HCN1: variants seen among roughly 807,000 people sequenced by gnomAD.
HCN1 encodes the protein hyperpolarization activated cyclic nucleotide gated potassium channel 1, also known as potassium/sodium hyperpolarization-activated cyclic nucleotide-gated channel 1.
Under a neutral mutation model 78.9 loss-of-function variants are expected in HCN1, and 13 were observed. That is an observed-to-expected ratio of 0.16 (90% CI 0.11 to 0.26). The LOEUF (loss-of-function observed/expected upper bound fraction) is 0.26. Among genes scored for constraint, HCN1 ranks in the 10% least tolerant of loss-of-function variants. HCN1 has a pLI of 1.00. For missense variants in HCN1, 810 were observed against 1,154.3 expected, an observed-to-expected ratio of 0.70 and a Z score of 4.32; for synonymous variants, 552 against 455.5, an observed-to-expected ratio of 1.21 and a Z score of -2.70.
chr5:45,341,626 T>C (rs986006203), intron 5 of HCN1, among the ~76,000 whole-genome samples: 5 of 152,136 alleles, frequency 3.3e-5, no homozygotes, highest in Non-Finnish European at 5.9e-5. Flanking sequence ...CAAAGGTGGC[T>C]CATGCCTGTA....
intron 2 of HCN1, among the ~76,000 whole-genome samples, chr5:45,594,239 A>G: frequency 6.6e-6 from 1 of 152,184 alleles, no homozygotes; most frequent in East Asian, 1.9e-4. Flanking sequence ...TCAGATGCCA[A>G]TATTACATCA....
intron 1 of HCN1, among the ~76,000 whole-genome samples, chr5:45,647,696 T>C (rs963413754): frequency 2.0e-5 from 3 of 152,090 alleles, no homozygotes; most frequent in African/African-American, 7.2e-5. Flanking sequence ...TCAAACAGCA[T>C]GCCTAAGCTC....
At chr5:45,511,675 C>A (rs192348635) in intron 2 of HCN1, among the ~76,000 whole-genome samples, 2 of 151,918 alleles carry the variant, frequency 1.3e-5, no homozygotes, top group East Asian at 3.9e-4. Context: ...TAAGGAAAGT[C>A]AGAGAAAATG....
chr5:45,435,213 G>T lies in HCN1; in HGVS notation c.1011+26633C>A, dbSNP rs199631799. ...ATATATTTAAAAAGTAAATTTATTT[G>T]TGCAGGAAAATCAAATAGTTCCCCA... On this transcript the variant is annotated intron_variant, in intron 3 of 7. Coordinates refer to ENST00000303230, the MANE Select transcript of HCN1 (RefSeq NM_021072.4). Among the ~76,000 whole-genome samples the T allele has an allele frequency of 1.8e-4, 28 of 152,024 alleles. No homozygotes were observed. In the East Asian group the frequency reaches 5.2e-3, roughly 28 times the overall value.
chr5:45,323,564 C>A (rs1297914285), intron 5 of HCN1, among the ~76,000 whole-genome samples: 1 of 151,278 alleles, frequency 6.6e-6, no homozygotes. Flanking sequence ...TCTTTTTTTT[C>A]ATTTTTTATC....
chr5:45,418,264 CAT>C (rs1454680287), intron 3 of HCN1, among the ~76,000 whole-genome samples: 9 of 151,526 alleles, frequency 5.9e-5, no homozygotes, highest in African/African-American at 2.2e-4. Context: ...GGTGAGAAAA[CAT>C]ATTCATTAAA....
intron 2 of HCN1, chr5:45,642,819 T>C (rs1745480415): frequency 6.6e-6 from 1 of 152,134 alleles, no homozygotes; most frequent in Non-Finnish European, 1.5e-5. Flanking sequence ...ATGTAGGTGA[T>C]GGAAAGATTA....
At chr5:45,687,496 A>G (rs894175385) in intron 1 of HCN1, among the ~76,000 whole-genome samples, 1 of 152,116 alleles carries the variant, frequency 6.6e-6, no homozygotes, top group Admixed American at 6.6e-5. Flanking sequence ...TTTATCTGCT[A>G]ACACATTTCA....
At chr5:45,456,899 AT>A (rs1741038950) in intron 3 of HCN1, among the ~76,000 whole-genome samples, 1 of 152,032 alleles carries the variant, frequency 6.6e-6, no homozygotes, top group Non-Finnish European at 1.5e-5. Flanking sequence ...TGCATCATTT[AT>A]TTGTTATGCT....
At position 45,261,212 on chromosome 5, in the gene HCN1, AACT is replaced by A. The variant is rs1221175348; in HGVS notation, c.*706_*708del. ...TATTTGGGTTGAAAAAGTTATTTAC[AACT>A]AACATTGATCGAGTCTTGGTAAAAG... On this transcript the variant is annotated 3_prime_UTR_variant, in exon 8 of 8. Transcript: ENST00000303230. 1 of 152,672 alleles carries A rather than the reference AACT, an allele frequency of 6.5e-6. No individual in the cohort carries two copies. Among genetic ancestry groups the A allele is most frequent in the African/African-American group, 2.4e-5 (1 of 41,454 alleles). The allele number at this position is 152,672 out of a possible 1,614,324, so 9.5% of individuals were successfully genotyped here. A position where few individuals can be genotyped will look rare whatever the true frequency, so the allele number is the denominator to read the frequency against.
chr5:45,458,491 C>G (rs979344955), intron 3 of HCN1, among the ~76,000 whole-genome samples: 1 of 152,042 alleles, frequency 6.6e-6, no homozygotes, highest in Non-Finnish European at 1.5e-5. Context: ...TTTTGGTTTT[C>G]TACATCTCAC....
At chr5:45,617,780 T>A (rs1280850019) in intron 2 of HCN1, among the ~76,000 whole-genome samples, 1 of 140,372 alleles carries the variant, frequency 7.1e-6, no homozygotes, top group Non-Finnish European at 1.6e-5. Flanking sequence ...TAACCATTAT[T>A]AGTTGTTTTA....
chr5:45,501,484 G>T (rs1742184746), intron 2 of HCN1, among the ~76,000 whole-genome samples: 1 of 151,850 alleles, frequency 6.6e-6, no homozygotes, highest in Non-Finnish European at 1.5e-5. Context: ...GCCCAGGCTG[G>T]AGTGTAGTGG....
intron 6 of HCN1, among the ~76,000 whole-genome samples, chr5:45,295,976 T>C (rs986737611): frequency 6.6e-6 from 1 of 152,026 alleles, no homozygotes; most frequent in African/African-American, 2.4e-5. Context: ...TGTCTAAAAC[T>C]GCATGTTGAT....
intron 2 of HCN1, among the ~76,000 whole-genome samples, chr5:45,489,879 G>C (rs565319883): frequency 2.9e-4 from 44 of 152,228 alleles, no homozygotes; most frequent in Non-Finnish European, 5.0e-4. Context: ...AGTCCATCTG[G>C]GGCTGACAAT....
intron 3 of HCN1, among the ~76,000 whole-genome samples, chr5:45,405,814 T>C (rs1201964489): frequency 2.6e-5 from 4 of 152,188 alleles, no homozygotes; most frequent in Non-Finnish European, 5.9e-5. Flanking sequence ...CAGTAAAATA[T>C]AGAAGTATTG....
chr5:45,421,705 G>A (rs766910841), intron 3 of HCN1, among the ~76,000 whole-genome samples: 1 of 152,002 alleles, frequency 6.6e-6, no homozygotes, highest in Non-Finnish European at 1.5e-5. Flanking sequence ...ACCAGTTTGG[G>A]TTACTCGAAT....
At chr5:45,554,557 C>G (rs1226073602) in intron 2 of HCN1, among the ~76,000 whole-genome samples, 8 of 151,678 alleles carry the variant, frequency 5.3e-5, no homozygotes, top group African/African-American at 1.9e-4. Flanking sequence ...GAAACAATGT[C>G]TGATAGATCT....
At chr5:45,511,653 G>A (rs1742419464) in intron 2 of HCN1, among the ~76,000 whole-genome samples, 2 of 151,866 alleles carry the variant, frequency 1.3e-5, no homozygotes, top group South Asian at 2.1e-4. Context: ...AAACTGTCAA[G>A]GTCATAAAAA....
Sources: gnomAD v4.1 joint callset for allele counts (sites outside exome capture counted in the v4.1 genomes callset) on GRCh38, gnomAD v4.1.1 for gene constraint, MANE v1.5 for transcripts, NCBI Gene and HGNC (gene_info 2026-07-23, HGNC 2026-07-21) for gene names.